PRKAB1: variants seen among roughly 807,000 people sequenced by gnomAD.
PRKAB1 encodes the protein 5'-AMP-activated protein kinase subunit beta-1.
In PRKAB1, 18 loss-of-function variants were observed where a neutral mutation model predicts 32.0. The observed-to-expected ratio is 0.56, with a 90% CI of 0.39 to 0.83. The LOEUF (loss-of-function observed/expected upper bound fraction) is 0.83, where lower values mean the gene tolerates loss of function less well. Ranked by LOEUF, PRKAB1 falls within the 40% of genes least tolerant of loss-of-function variation. The pLI, the probability that PRKAB1 is intolerant of heterozygous loss-of-function variation, is 0.00. For synonymous variants in PRKAB1, 141 were observed against 141.4 expected, an observed-to-expected ratio of 1.00 and a Z score of 0.02; for missense variants, 263 against 352.6, an observed-to-expected ratio of 0.75 and a Z score of 2.03.
intron 1 of PRKAB1, chr12:119,671,442 G>T: frequency 2.5e-6 from 1 of 395,008 alleles, no homozygotes; most frequent in Non-Finnish European, 5.1e-6. Flanking sequence ...GTTCCGCATG[G>T]CTGGGGAGGC....
intron 5 of PRKAB1, 142 bp downstream of exon 5, chr12:119,676,812 G>C: frequency 8.4e-7 from 1 of 1,189,068 alleles, no homozygotes; most frequent in Non-Finnish European, 1.1e-6. Context: ...CACCTCTGCT[G>C]TGGGGATGGG....
At chr12:119,668,044 A>G (rs1189419369), upstream of PRKAB1, 8 of 583,770 alleles carry the variant, frequency 1.4e-5, no homozygotes, top group Non-Finnish European at 2.2e-5. Flanking sequence ...TTGCCTGGGC[A>G]GGTAAAGCGC....
rs1955450918 is a variant in PRKAB1 at position 119,679,831 on chromosome 12, G to A, written c.667-102G>A. The A allele has an allele frequency of 9.3e-6, 12 of 1,290,986 alleles. No individual in the cohort carries two copies. In the Admixed American group the frequency reaches 2.0e-4, roughly 22 times the overall value. 80.0% of individuals were successfully genotyped at this position (1,290,986 alleles called of 1,614,324 possible). A position where few individuals can be genotyped will look rare whatever the true frequency, so the allele number is the denominator to read the frequency against. On this transcript the variant is annotated intron_variant, in intron 5 of 6. Transcript: ENST00000229328. This position sits in a 1 kb window ranked among gnomAD's most constrained non-coding sequence, Gnocchi z 4.1. ...CTGATTTGGGAAGAGAGGTCGGCCT[G>A]AGCGCTGCCTCCTGTCCTTTGATAT...
chr12:119,679,961 A>G lies in PRKAB1; in HGVS notation c.695A>G (p.Asn232Ser). The change falls in exon 6 of 7, where the codon AAT becomes AGT. Residue 232 changes from asparagine to serine, a missense_variant. Coordinates refer to ENST00000229328, the MANE Select transcript of PRKAB1 (RefSeq NM_006253.5). This position sits in a 1 kb window ranked among gnomAD's most constrained non-coding sequence, Gnocchi z 4.1. ...SCDPALLPEP[N>S]HVMLNHLYAL... ...GATCCAGCTTTGCTTCCTGAGCCCA[A>G]TCACGTCATGCTGAACCACCTATAC... 2.5e-6 allele frequency: 4 copies of G among 1,614,142 alleles called. No homozygotes were observed. The highest frequency in any genetic ancestry group is 3.4e-6 in the Non-Finnish European group (4 of 1,179,990).
chr12:119,677,769 T>G lies in PRKAB1; in HGVS notation c.666+1099T>G, dbSNP rs911962245. 2.1e-5 allele frequency: 3 copies of G among 145,350 alleles called. No homozygotes were observed. In the East Asian group the frequency reaches 6.0e-4, roughly 29 times the overall value. The allele number at this position is 145,350 out of a possible 1,614,324, so 9.0% of individuals were successfully genotyped here. A position where few individuals can be genotyped will look rare whatever the true frequency, so the allele number is the denominator to read the frequency against. Reference sequence around the variant, plus strand: ...CTAAGCTAGTGAGGTTTGTTTTTTTTTTTTTTTTTTTTTGAGACGGAGTCT... The same window carrying G: ...CTAAGCTAGTGAGGTTTGTTTTTTTGTTTTTTTTTTTTTGAGACGGAGTCT... On this transcript the variant is annotated intron_variant, in intron 5 of 6. Coordinates refer to ENST00000229328, the MANE Select transcript of PRKAB1 (RefSeq NM_006253.5).
At position 119,676,600 on chromosome 12, in the gene PRKAB1, G is replaced by A. The variant is rs143112563; in HGVS notation, c.596G>A (p.Arg199His). 1.4e-5 allele frequency: 22 copies of A among 1,613,692 alleles called. No homozygotes were observed. Among genetic ancestry groups the A allele is most frequent in the African/African-American group, 5.3e-5 (4 of 74,892 alleles). Residue 199 changes from arginine (R) to histidine (H), a missense_variant, in exon 5 of 7, where the codon CGC (arginine) becomes CAC (histidine). Coordinates refer to ENST00000229328, the MANE Select transcript of PRKAB1 (RefSeq NM_006253.5). ...CCCTACGTCTGCAAACCCGAAGAGC[G>A]CTTTCGGGCACCCCCTATTCTCCCC... is the stretch of plus-strand genomic sequence containing the variant. ...QEPYVCKPEE[R>H]FRAPPILPPH...
Position 119,679,750 on chromosome 12 carries a change from G to A in PRKAB1, c.667-183G>A. 1.6e-6 allele frequency: 1 copy of A among 630,880 alleles called. No individual in the cohort carries two copies. The highest frequency in any genetic ancestry group is 2.9e-6 in the Non-Finnish European group (1 of 348,086). The allele number at this position is 630,880 out of a possible 1,614,324, so 39.1% of individuals were successfully genotyped here. ...GCAGGCATGCAGGGAGCTCCCTTCA[G>A]GTCAGAAGGCGTGACCTTCATCTCA... On this transcript the variant is annotated intron_variant, in intron 5 of 6. Transcript: ENST00000229328. The surrounding 1 kb of genome is among the most constrained non-coding windows in gnomAD (Gnocchi z 4.1).
chr12:119,672,919 G>A (rs376777026), intron 2 of PRKAB1, among the ~76,000 whole-genome samples: 31 of 152,310 alleles, frequency 2.0e-4, no homozygotes, highest in African/African-American at 7.2e-4. Context: ...TTGACTCTGC[G>A]TAATACTTTG....
intron 1 of PRKAB1, among the ~76,000 whole-genome samples, chr12:119,670,621 A>G (rs1054414993): frequency 6.6e-6 from 1 of 152,214 alleles, no homozygotes; most frequent in Non-Finnish European, 1.5e-5. Context: ...CTTCAGAAGT[A>G]TTTGTTCTGT....
chr12:119,680,258 T>C lies in PRKAB1; in HGVS notation c.746T>C (p.Met249Thr), dbSNP rs1409527311. The change falls in exon 7 of 7, where the codon ATG becomes ACG. Residue 249 changes from methionine (M) to threonine (T), a missense_variant. Physicochemically the swap from Met to Thr is moderately conservative, Grantham distance 81 (BLOSUM62 -1). Coordinates refer to ENST00000229328, the MANE Select transcript of PRKAB1 (RefSeq NM_006253.5). ...CACCTTGTTCCTTAGGATGGAGTGATGGTGCTCAGCGCAACCCACCGGTAC... is the reference window on the plus strand; with the variant it reads ...CACCTTGTTCCTTAGGATGGAGTGACGGTGCTCAGCGCAACCCACCGGTAC... ...LYALSIKDGV[M>T]VLSATHRYKK... 3 of 1,613,934 alleles carry C rather than the reference T, an allele frequency of 1.9e-6. No individual in the cohort carries two copies. Among genetic ancestry groups the C allele is most frequent in the East Asian group, 4.5e-5 (2 of 44,884 alleles).
chr12:119,668,000 T>G (rs199820598), upstream of PRKAB1: 3 of 494,722 alleles, frequency 6.1e-6, no homozygotes, highest in Non-Finnish European at 1.0e-5. Context: ...AAAGTGTCGG[T>G]TTATCTTCGC....
intron 4 of PRKAB1, among the ~76,000 whole-genome samples, chr12:119,676,042 C>A (rs933712369): frequency 6.6e-6 from 1 of 152,194 alleles, no homozygotes; most frequent in Non-Finnish European, 1.5e-5. Context: ...TTTTCCCCCC[C>A]ATTTTGAAAT....
intron 5 of PRKAB1, 21 bp downstream of exon 5, chr12:119,676,691 C>T: frequency 6.2e-7 from 1 of 1,611,154 alleles, no homozygotes; most frequent in Non-Finnish European, 8.5e-7. Context: ...GGGCATCTGC[C>T]CGGACCATCC....
At chr12:119,671,625 G>T in intron 1 of PRKAB1, 2 of 271,296 alleles carry the variant, frequency 7.4e-6, no homozygotes, top group East Asian at 1.1e-4. Context: ...CCTCCACCTG[G>T]TCCTGCCCTT....
Position 119,668,236 on chromosome 12 carries a change from A to T in PRKAB1, c.-9A>T. On this transcript the variant is annotated 5_prime_UTR_variant, in exon 1 of 7. Transcript: ENST00000229328. ...GTCCGCCTTCCCTGTGTCCCCGCAGACCCCCATCATGGGCAATACCAGCAG... is the reference window on the plus strand; with the variant it reads ...GTCCGCCTTCCCTGTGTCCCCGCAGTCCCCCATCATGGGCAATACCAGCAG... 6.4e-7 allele frequency: 1 copy of T among 1,571,294 alleles called. No homozygotes were observed. Among genetic ancestry groups the T allele is most frequent in the Non-Finnish European group, 8.6e-7 (1 of 1,164,026 alleles).
intron 5 of PRKAB1, chr12:119,678,858 G>A (rs1955445642): frequency 6.6e-6 from 1 of 152,138 alleles, no homozygotes; most frequent in Non-Finnish European, 1.5e-5. Flanking sequence ...TCATTTCCTT[G>A]GAGTATCTAC....
chr12:119,668,871 G>C (rs1565874555), intron 1 of PRKAB1, among the ~76,000 whole-genome samples: 1 of 152,186 alleles, frequency 6.6e-6, no homozygotes, highest in Non-Finnish European at 1.5e-5. Flanking sequence ...GCTGAAAGTA[G>C]AGCGGAACAG....
At chr12:119,680,183 T>G in intron 6 of PRKAB1, 65 bp from the exon 7 acceptor site, 1 of 1,544,784 alleles carries the variant, frequency 6.5e-7, no homozygotes, top group Non-Finnish European at 8.9e-7. Context: ...CCTTAATGAT[T>G]CTCATGTCCT....
At chr12:119,670,861 A>G (rs1215970195) in intron 1 of PRKAB1, among the ~76,000 whole-genome samples, 4 of 152,032 alleles carry the variant, frequency 2.6e-5, no homozygotes, top group Non-Finnish European at 5.9e-5. Context: ...TTAGAATTCA[A>G]AGAATACAGG....
Sources: gnomAD v4.1 joint callset for allele counts (sites outside exome capture counted in the v4.1 genomes callset) on GRCh38, gnomAD v4.1.1 for gene constraint, Gnocchi (gnomAD v3.1) non-coding constraint, MANE v1.5 for transcripts, NCBI Gene and HGNC (gene_info 2026-07-23, HGNC 2026-07-21) for gene names.